Variants in MME observed in about 807,000 individuals in gnomAD.
MME encodes the protein neprilysin.
Under a neutral mutation model 113.2 loss-of-function variants are expected in MME, and 98 were observed. The ratio of observed to expected loss-of-function variants is 0.87; its 90% CI spans 0.74 to 1.02. The LOEUF (loss-of-function observed/expected upper bound fraction) is 1.02. MME is among the 50% of genes least tolerant of loss of function. MME has a pLI of 0.00. For synonymous variants in MME, 292 were observed against 300.6 expected, an observed-to-expected ratio of 0.97 and a Z score of 0.30; for missense variants, 836 against 896.0, an observed-to-expected ratio of 0.93 and a Z score of 0.86.
At chr3:155,114,581 C>A (rs1000310380) in intron 3 of MME, among the ~76,000 whole-genome samples, 7 of 152,154 alleles carry the variant, frequency 4.6e-5, no homozygotes, top group African/African-American at 1.7e-4. Flanking sequence ...CAGAGACTTT[C>A]AAAAGTCACA....
intron 1 of MME, among the ~76,000 whole-genome samples, chr3:155,056,425 A>G (rs142119101): frequency 0.016 from 2,364 of 149,246 alleles, 73 homozygotes; most frequent in African/African-American, 0.056. Context: ...GAGAATATGC[A>G]GTGTTTGGTT....
intron 3 of MME, among the ~76,000 whole-genome samples, 165 bp from the exon 4 acceptor site, chr3:155,114,829 A>G (rs962117496): frequency 6.6e-6 from 1 of 152,244 alleles, no homozygotes; most frequent in Non-Finnish European, 1.5e-5. Context: ...AGAGAACTAT[A>G]CACAGATAGT....
chr3:155,173,470 A>G (rs1186037132), intron 22 of MME, among the ~76,000 whole-genome samples: 1 of 152,140 alleles, frequency 6.6e-6, no homozygotes, highest in Non-Finnish European at 1.5e-5. Flanking sequence ...ACTCCTGGGA[A>G]AAAACACATT....
At chr3:155,028,931 A>G (rs955262110) in intron 1 of MME, among the ~76,000 whole-genome samples, 19 of 152,208 alleles carry the variant, frequency 1.2e-4, no homozygotes, top group African/African-American at 4.6e-4. Flanking sequence ...AAGGTTTAAA[A>G]CACTTCATAT....
At chr3:155,099,380 C>T (rs1008270666) in intron 3 of MME, among the ~76,000 whole-genome samples, 6 of 152,046 alleles carry the variant, frequency 3.9e-5, no homozygotes, top group Non-Finnish European at 7.4e-5. Flanking sequence ...CATTTCTCAG[C>T]GGTATAATCT....
intron 1 of MME, among the ~76,000 whole-genome samples, chr3:155,035,965 C>T (rs1049746170): frequency 2.0e-5 from 3 of 152,094 alleles, no homozygotes; most frequent in Non-Finnish European, 4.4e-5. Context: ...CAGGAGGGTG[C>T]TGCAATAATC....
chr3:155,084,082 C>A (rs1347208654), intron 1 of MME, 76 bp from the exon 2 acceptor site: 5 of 1,266,650 alleles, frequency 3.9e-6, no homozygotes, highest in Non-Finnish European at 5.7e-6. Flanking sequence ...TTACTTTTAT[C>A]CAGCCACATT....
intron 3 of MME, among the ~76,000 whole-genome samples, chr3:155,103,413 A>G (rs1717429399): frequency 6.6e-6 from 1 of 152,194 alleles, no homozygotes; most frequent in African/African-American, 2.4e-5. Flanking sequence ...GTATTTCTGT[A>G]TCAAGCCTCC....
chr3:155,084,660 T>C (rs1178340518), intron 2 of MME, among the ~76,000 whole-genome samples: 3 of 152,190 alleles, frequency 2.0e-5, no homozygotes, highest in African/African-American at 7.2e-5. Context: ...TGTTGTGTCA[T>C]TGAAATTCTA....
chr3:155,039,718 A>G (rs1576664278), intron 1 of MME, among the ~76,000 whole-genome samples: 1 of 152,148 alleles, frequency 6.6e-6, no homozygotes, highest in Non-Finnish European at 1.5e-5. Context: ...TAGAGGAAAA[A>G]GGGATAATCA....
intron 8 of MME, among the ~76,000 whole-genome samples, chr3:155,131,040 A>C (rs1230753752): frequency 6.6e-6 from 1 of 152,214 alleles, no homozygotes; most frequent in African/African-American, 2.4e-5. Flanking sequence ...GAGTGTTATA[A>C]AGAAAATAAA....
intron 1 of MME, among the ~76,000 whole-genome samples, chr3:155,031,402 T>C (rs1290543211): frequency 1.3e-5 from 2 of 151,984 alleles, no homozygotes; most frequent in Admixed American, 6.6e-5. Flanking sequence ...AAAATTTGCC[T>C]AAGAGATGTG....
rs199958143 is a variant in MME at position 155,144,502 on chromosome 3, A to G, written c.1416+45A>G. 2.2e-5 allele frequency: 28 copies of G among 1,249,420 alleles called. No individual in the cohort carries two copies. The East Asian group carries it at 5.1e-4, about 23-fold the overall frequency. The allele number at this position is 1,249,420 out of a possible 1,614,324, so 77.4% of individuals were successfully genotyped here. A position where few individuals can be genotyped will look rare whatever the true frequency, so the allele number is the denominator to read the frequency against. ...CTAGCAAAGAAAAATCTTTGCTAGTATAGGAAAAATTAACTTTAAAAACAT... is the reference window on the plus strand; with the variant it reads ...CTAGCAAAGAAAAATCTTTGCTAGTGTAGGAAAAATTAACTTTAAAAACAT... On this transcript the variant is annotated intron_variant, in intron 14 of 22. Transcript: ENST00000360490.
intron 4 of MME, 116 bp from the exon 5 acceptor site, chr3:155,116,363 G>T: frequency 2.5e-6 from 2 of 803,062 alleles, no homozygotes; most frequent in East Asian, 2.8e-5. Flanking sequence ...GAAAAGCAAG[G>T]TTTTTTTTTA....
intron 3 of MME, among the ~76,000 whole-genome samples, chr3:155,095,843 T>G (rs1716689996): frequency 6.6e-6 from 1 of 152,144 alleles, no homozygotes; most frequent in Non-Finnish European, 1.5e-5. Flanking sequence ...AGTGCTATGA[T>G]GGTGATAAGA....
intron 12 of MME, 71 bp downstream of exon 12, chr3:155,142,401 G>A: frequency 1.6e-6 from 2 of 1,261,932 alleles, no homozygotes; most frequent in South Asian, 1.2e-5. Flanking sequence ...GGCTTACCAT[G>A]TACACTGCTA....
intron 16 of MME, among the ~76,000 whole-genome samples, chr3:155,159,377 C>A (rs1357228245): frequency 6.6e-6 from 1 of 152,002 alleles, no homozygotes; most frequent in Non-Finnish European, 1.5e-5. Context: ...TGATCTCTGA[C>A]TACCTTAAAT....
chr3:155,088,880 G>T (rs1716028566), intron 3 of MME, among the ~76,000 whole-genome samples: 1 of 152,088 alleles, frequency 6.6e-6, no homozygotes, highest in Admixed American at 6.6e-5. Context: ...GCCCCAACTT[G>T]AACCTTTCTT....
At chr3:155,033,260 T>G (rs1713030853) in intron 1 of MME, among the ~76,000 whole-genome samples, 1 of 152,222 alleles carries the variant, frequency 6.6e-6, no homozygotes. Flanking sequence ...TAGAGTGTCC[T>G]GAAATTTTGT....
Sources: gnomAD v4.1 joint callset for allele counts (sites outside exome capture counted in the v4.1 genomes callset) on GRCh38, gnomAD v4.1.1 for gene constraint, MANE v1.5 for transcripts, NCBI Gene and HGNC (gene_info 2026-07-23, HGNC 2026-07-21) for gene names.